KCNK2: variants seen among roughly 807,000 people sequenced by gnomAD.
KCNK2 encodes the protein potassium channel subfamily K member 2.
A neutral mutation model predicts 40.5 loss-of-function variants in KCNK2; 21 were observed. The observed-to-expected ratio is 0.52, with a 90% CI of 0.37 to 0.75. The LOEUF is 0.75. Ranked by LOEUF, KCNK2 falls within the 30% of genes least tolerant of loss-of-function variation. The pLI is 0.00. For missense variants in KCNK2, 399 were observed against 531.6 expected (o/e 0.75, Z 2.45); for synonymous variants, 191 against 202.2 (o/e 0.94, Z 0.47).
chr1:215,034,065 T>C (rs1231541122), intron 1 of KCNK2, among the ~76,000 whole-genome samples: 1 of 152,222 alleles, frequency 6.6e-6, no homozygotes, highest in Non-Finnish European at 1.5e-5. Context: ...CTTTGTATTC[T>C]CTTGTTGTTC....
intron 5 of KCNK2, among the ~76,000 whole-genome samples, chr1:215,190,791 A>T (rs1664634821): frequency 6.6e-6 from 1 of 152,088 alleles, no homozygotes; most frequent in Admixed American, 6.6e-5. Context: ...GAAGCGTGAG[A>T]ATGCAACTCC....
chr1:215,136,854 A>G (rs1661943615), intron 3 of KCNK2, among the ~76,000 whole-genome samples: 2 of 152,208 alleles, frequency 1.3e-5, no homozygotes, highest in African/African-American at 4.8e-5. Flanking sequence ...CTTTTTGTAA[A>G]CACGTATACT....
At chr1:215,071,410 A>T (rs1658753177) in intron 1 of KCNK2, among the ~76,000 whole-genome samples, 1 of 152,050 alleles carries the variant, frequency 6.6e-6, no homozygotes, top group Non-Finnish European at 1.5e-5. Flanking sequence ...AAGCCTTAAA[A>T]CCCTTCAGTT....
At chr1:215,178,465 G>T (rs529061605) in intron 5 of KCNK2, among the ~76,000 whole-genome samples, 1 of 152,240 alleles carries the variant, frequency 6.6e-6, no homozygotes, top group East Asian at 1.9e-4. Flanking sequence ...TCCAGTTTTT[G>T]CCCATGCAGT....
chr1:215,040,040 G>A (rs187871053), intron 1 of KCNK2, among the ~76,000 whole-genome samples: 13 of 152,202 alleles, frequency 8.5e-5, no homozygotes, highest in African/African-American at 2.9e-4. Flanking sequence ...TGGTATAAGA[G>A]AAGGAGCTCT....
chr1:215,011,614 T>A (rs1656392437), intron 1 of KCNK2, among the ~76,000 whole-genome samples: 1 of 140,728 alleles, frequency 7.1e-6, no homozygotes, highest in African/African-American at 2.6e-5. Context: ...TTTTTTTATT[T>A]TTATTTTTTG....
chr1:215,054,534 G>A (rs1465379522), intron 1 of KCNK2, among the ~76,000 whole-genome samples: 1 of 152,160 alleles, frequency 6.6e-6, no homozygotes, highest in African/African-American at 2.4e-5. Flanking sequence ...CGATTCTCCG[G>A]TAGGCTGCAC....
chr1:215,070,889 T>A (rs1313348037), intron 1 of KCNK2, among the ~76,000 whole-genome samples: 1 of 152,094 alleles, frequency 6.6e-6, no homozygotes, highest in Non-Finnish European at 1.5e-5. Context: ...GTATCAGAGG[T>A]AAAGAAGAGG....
At chr1:215,122,963 C>A (rs1239211989) in intron 2 of KCNK2, among the ~76,000 whole-genome samples, 1 of 151,752 alleles carries the variant, frequency 6.6e-6, no homozygotes, top group Non-Finnish European at 1.5e-5. Context: ...CCAGGATGGT[C>A]TCGATCTCCT....
At chr1:215,143,592 T>C (rs892146934) in intron 3 of KCNK2, among the ~76,000 whole-genome samples, 1 of 152,148 alleles carries the variant, frequency 6.6e-6, no homozygotes, top group Non-Finnish European at 1.5e-5. Flanking sequence ...CGCCAAAGCA[T>C]TGAGAAATTA....
chr1:215,209,810 A>T (rs1665615657), intron 6 of KCNK2, among the ~76,000 whole-genome samples: 1 of 70,096 alleles, frequency 1.4e-5, no homozygotes, highest in Non-Finnish European at 2.4e-5. Flanking sequence ...TATATAATAT[A>T]TATAAATATA....
At chr1:215,131,187 T>A (rs961092484) in intron 3 of KCNK2, among the ~76,000 whole-genome samples, 13 of 151,774 alleles carry the variant, frequency 8.6e-5, no homozygotes, top group Admixed American at 5.2e-4. Flanking sequence ...AGTTTTTTTT[T>A]AATCTTATCA....
chr1:215,064,755 G>A (rs1019078812), intron 1 of KCNK2, among the ~76,000 whole-genome samples: 1 of 152,164 alleles, frequency 6.6e-6, no homozygotes, highest in Non-Finnish European at 1.5e-5. Context: ...AAGCTTCATT[G>A]ACAGCACAGT....
chr1:215,024,010 G>A (rs979817033), intron 1 of KCNK2, among the ~76,000 whole-genome samples: 3 of 152,208 alleles, frequency 2.0e-5, no homozygotes, highest in African/African-American at 7.2e-5. Flanking sequence ...CCAGCAGGGT[G>A]CAGAAGTAAA....
chr1:215,233,329 A>G (rs1461331309), intron 6 of KCNK2, among the ~76,000 whole-genome samples: 1 of 152,062 alleles, frequency 6.6e-6, no homozygotes, highest in African/African-American at 2.4e-5. Flanking sequence ...TGTTAAAATA[A>G]AAAATAGATC....
intron 5 of KCNK2, among the ~76,000 whole-genome samples, chr1:215,183,091 C>T (rs1469125932): frequency 6.6e-6 from 1 of 152,128 alleles, no homozygotes; most frequent in Non-Finnish European, 1.5e-5. Context: ...TCTCATTTTC[C>T]TTCTTGAATT....
chr1:215,176,257 A>AT (rs937159943), intron 5 of KCNK2, among the ~76,000 whole-genome samples: 1 of 151,956 alleles, frequency 6.6e-6, no homozygotes, highest in African/African-American at 2.4e-5. Flanking sequence ...GATGTGGGGC[A>AT]TTTTTTTATA....
chr1:215,229,172 C>T (rs1405709513), intron 6 of KCNK2, among the ~76,000 whole-genome samples: 1 of 151,048 alleles, frequency 6.6e-6, no homozygotes. Flanking sequence ...GATTAGATAC[C>T]CCTGCTATAA....
rs901008781 is a variant in KCNK2 at position 215,236,640 on chromosome 1, C to T, written c.*1495C>T. 2.6e-5 allele frequency: 4 copies of T among 152,158 alleles called. No homozygotes were observed. Among genetic ancestry groups the T allele is most frequent in the African/African-American group, 9.7e-5 (4 of 41,296 alleles). The allele number at this position is 152,158 out of a possible 1,614,324, so 9.4% of individuals were successfully genotyped here. A position where few individuals can be genotyped will look rare whatever the true frequency, so the allele number is the denominator to read the frequency against. On this transcript the variant is annotated 3_prime_UTR_variant, in exon 7 of 7. Coordinates refer to ENST00000444842, the MANE Select transcript of KCNK2 (RefSeq NM_001017425.3). Reference sequence around the variant, plus strand: ...GTAAATGCACCCCGTAAATTGCTACCCTTTCCTTTATTTTCATACTTAGAT... The same window carrying T: ...GTAAATGCACCCCGTAAATTGCTACTCTTTCCTTTATTTTCATACTTAGAT...
Sources: gnomAD v4.1 joint callset for allele counts (sites outside exome capture counted in the v4.1 genomes callset) on GRCh38, gnomAD v4.1.1 for gene constraint, MANE v1.5 for transcripts, NCBI Gene and HGNC (gene_info 2026-07-23, HGNC 2026-07-21) for gene names.